The following CPA6 variants were observed in gnomAD, a reference collection of about 807,000 sequenced individuals.
CPA6 encodes the protein carboxypeptidase B.
In CPA6, 58 loss-of-function variants were observed where a neutral mutation model predicts 63.3. That is an observed-to-expected ratio of 0.92 (90% CI 0.74 to 1.14). CPA6 has a LOEUF of 1.14. CPA6 is among the 50% of genes most tolerant of loss of function. The probability of loss-of-function intolerance (pLI) is 0.00; values close to 1 mark genes in which losing one functional copy is unlikely to be tolerated. For missense variants in CPA6, 565 were observed against 526.6 expected, an observed-to-expected ratio of 1.07 and a Z score of -0.71; for synonymous variants, 185 against 179.0, an observed-to-expected ratio of 1.03 and a Z score of -0.27.
Position 67,648,532 on chromosome 8 carries a change from G to C in CPA6, c.117-24281C>G, listed in dbSNP as rs181819428. ...TCATTGCAAAGCAGCTTGGGTTTTG[G>C]TAGCCTCTGCTGGCAAGAAAGGCCC... On this transcript the variant is annotated intron_variant, in intron 1 of 10. Transcript: ENST00000297770. 3.1e-3 allele frequency among the ~76,000 whole-genome samples: 467 copies of C among 152,222 alleles called. 2 individuals carry two copies. Among genetic ancestry groups the C allele is most frequent in the African/African-American group, 0.011 (451 of 41,512 alleles).
At position 67,590,518 on chromosome 8, in the gene CPA6, T is replaced by G. The variant is rs1011547840; in HGVS notation, c.192+33658A>C. ...TACGGTCCCACCAACAGTGTAAAAGTGTTCCTATTTCTCCACATCCTCTCC... is the reference window on the plus strand; with the variant it reads ...TACGGTCCCACCAACAGTGTAAAAGGGTTCCTATTTCTCCACATCCTCTCC... On this transcript the variant is annotated intron_variant, in intron 2 of 10. Transcript: ENST00000297770. Among the ~76,000 whole-genome samples the G allele has an allele frequency of 2.7e-5, 4 of 150,312 alleles. No individual in the cohort carries two copies. The East Asian group carries it at 5.9e-4, about 22-fold the overall frequency.
intron 1 of CPA6, among the ~76,000 whole-genome samples, chr8:67,721,643 A>G (rs1817502048): frequency 6.6e-6 from 1 of 152,174 alleles, no homozygotes; most frequent in African/African-American, 2.4e-5. Flanking sequence ...TTTCTATGGC[A>G]AGGCTGGTAC....
At chr8:67,700,404 T>G (rs1816999381) in intron 1 of CPA6, among the ~76,000 whole-genome samples, 1 of 152,196 alleles carries the variant, frequency 6.6e-6, no homozygotes, top group Non-Finnish European at 1.5e-5. Context: ...AATACAGCCA[T>G]TTTCTCCAGT....
At chr8:67,512,939 A>G (rs1005994380) in intron 3 of CPA6, among the ~76,000 whole-genome samples, 4 of 152,252 alleles carry the variant, frequency 2.6e-5, no homozygotes, top group Non-Finnish European at 4.4e-5. Flanking sequence ...ACTTAGGGTC[A>G]TACTGGGTAT....
intron 1 of CPA6, among the ~76,000 whole-genome samples, chr8:67,646,070 C>T (rs1464362288): frequency 6.6e-6 from 1 of 152,232 alleles, no homozygotes; most frequent in African/African-American, 2.4e-5. Flanking sequence ...CCCACTTGAT[C>T]TCTGAAGAAC....
intron 1 of CPA6, among the ~76,000 whole-genome samples, chr8:67,718,055 ACATT>A (rs1817416428): frequency 6.6e-6 from 1 of 152,102 alleles, no homozygotes; most frequent in South Asian, 2.1e-4. Context: ...TCTGTGTGTG[ACATT>A]CATTATGTTT....
intron 2 of CPA6, among the ~76,000 whole-genome samples, chr8:67,609,444 A>G (rs1189354488): frequency 1.3e-5 from 2 of 152,180 alleles, no homozygotes; most frequent in African/African-American, 4.8e-5. Context: ...TCTTATTTGT[A>G]CAAGTTATTA....
At chr8:67,673,388 AT>A (rs796416371) in intron 1 of CPA6, among the ~76,000 whole-genome samples, 310 of 133,980 alleles carry the variant, frequency 2.3e-3, no homozygotes, top group African/African-American at 5.6e-3. Flanking sequence ...TTATTTATTT[AT>A]TTTTTTTTTT....
intron 2 of CPA6, among the ~76,000 whole-genome samples, chr8:67,569,049 C>T (rs1005385411): frequency 6.6e-6 from 1 of 152,156 alleles, no homozygotes; most frequent in Non-Finnish European, 1.5e-5. Context: ...CTGTGCCTGG[C>T]AGGAAGAGTG....
At chr8:67,455,241 CG>C (rs1410627444) in intron 8 of CPA6, among the ~76,000 whole-genome samples, 1 of 152,062 alleles carries the variant, frequency 6.6e-6, no homozygotes, top group African/African-American at 2.4e-5. Context: ...AACTGCATCA[CG>C]AAGCAGCGCA....
chr8:67,639,909 G>T (rs1815551471), intron 1 of CPA6, among the ~76,000 whole-genome samples: 1 of 151,330 alleles, frequency 6.6e-6, no homozygotes, highest in Non-Finnish European at 1.5e-5. Context: ...TAGCCAGGGT[G>T]TCCTGACAAG....
chr8:67,712,511 C>A, intron 1 of CPA6, among the ~76,000 whole-genome samples: 1 of 152,148 alleles, frequency 6.6e-6, no homozygotes, highest in Non-Finnish European at 1.5e-5. Context: ...TAAAGATCCA[C>A]CAAAGAGCAA....
intron 5 of CPA6, among the ~76,000 whole-genome samples, chr8:67,507,784 A>G (rs1672162462): frequency 6.6e-6 from 1 of 152,168 alleles, no homozygotes; most frequent in Admixed American, 6.6e-5. Context: ...GTGGCTTCTC[A>G]GAAGAGGAGC....
intron 2 of CPA6, among the ~76,000 whole-genome samples, chr8:67,554,034 A>G (rs1400378121): frequency 1.3e-5 from 2 of 152,234 alleles, no homozygotes; most frequent in Non-Finnish European, 2.9e-5. Flanking sequence ...TATAATGAAA[A>G]ATAAATATTT....
chr8:67,737,230 T>C (rs1817830066), intron 1 of CPA6, among the ~76,000 whole-genome samples: 1 of 152,172 alleles, frequency 6.6e-6, no homozygotes, highest in Non-Finnish European at 1.5e-5. Context: ...AGATGCCTTC[T>C]GTTATAGCCA....
At chr8:67,528,157 C>T (rs1043190688) in intron 2 of CPA6, among the ~76,000 whole-genome samples, 2 of 152,204 alleles carry the variant, frequency 1.3e-5, no homozygotes, top group East Asian at 1.9e-4. Flanking sequence ...GCAGATATGA[C>T]GTGCAGTGTG....
At chr8:67,521,931 T>A (rs1289176745) in intron 2 of CPA6, among the ~76,000 whole-genome samples, 1 of 152,208 alleles carries the variant, frequency 6.6e-6, no homozygotes, top group Non-Finnish European at 1.5e-5. Flanking sequence ...CTTTCTTCTT[T>A]GGTAAATTGA....
intron 10 of CPA6, among the ~76,000 whole-genome samples, chr8:67,423,902 T>C (rs1809824748): frequency 6.6e-6 from 1 of 152,202 alleles, no homozygotes; most frequent in African/African-American, 2.4e-5. Context: ...TGTTAGGACT[T>C]GGGCTGCACA....
At position 67,631,785 on chromosome 8, in the gene CPA6, A is replaced by G. The variant is rs1482350969; in HGVS notation, c.117-7534T>C. Among the ~76,000 whole-genome samples the G allele has an allele frequency of 6.6e-5, 10 of 151,892 alleles. No individual in the cohort carries two copies. In the South Asian group the frequency reaches 2.1e-3, roughly 32 times the overall value. On this transcript the variant is annotated intron_variant, in intron 1 of 10. Transcript: ENST00000297770. ...ACTCACTGCGAAGATCTGCAGCTTC[A>G]CTCCTGTGGCCAGCGAGATCATGAA...
Sources: allele counts gnomAD v4.1 joint callset (sites outside exome capture counted in the v4.1 genomes callset), GRCh38; gene constraint gnomAD v4.1.1; transcripts MANE v1.5; gene names NCBI Gene and HGNC (gene_info 2026-07-23, HGNC 2026-07-21).